LDB3: variants seen among roughly 807,000 people sequenced by gnomAD.
LDB3 encodes the protein LIM domain binding 3.
In LDB3, 49 loss-of-function variants were observed where a neutral mutation model predicts 69.0. The observed-to-expected ratio is 0.71, with a 90% CI of 0.56 to 0.90. The LOEUF is 0.90. LDB3 is among the 40% of genes least tolerant of loss of function. The pLI is 0.00. For synonymous variants in LDB3, 387 were observed against 396.2 expected (o/e 0.98, Z 0.28); for missense variants, 928 against 974.1 (o/e 0.95, Z 0.63).
chr10:86,719,738 C>G (rs981394536), intron 12 of LDB3, among the ~76,000 whole-genome samples: 2 of 152,162 alleles, frequency 1.3e-5, no homozygotes, highest in East Asian at 3.8e-4. Context: ...TGTAATCTCA[C>G]GGAGTGAATT....
At chr10:86,706,380 C>T (rs1846441706) in intron 7 of LDB3, 151 bp from the exon 8 acceptor site, 1 of 852,968 alleles carries the variant, frequency 1.2e-6, no homozygotes. Flanking sequence ...AGCTGGAAGA[C>T]ACACCCTCTG....
chr10:86,688,917 C>T (rs1472695213), intron 5 of LDB3, among the ~76,000 whole-genome samples: 3 of 152,132 alleles, frequency 2.0e-5, no homozygotes, highest in African/African-American at 7.2e-5. Context: ...TCACGAAGGA[C>T]GTTTCCCATC....
chr10:86,699,941 TG>T lies in LDB3; in HGVS notation c.897-6585del. ...GAGACCCCTCCTGGCAGTGGTGAGG[TG>T]GGGGCATGCACCCTCCTTTCTGTAC... is the stretch of plus-strand genomic sequence containing the variant. On this transcript the variant is annotated intron_variant, in intron 7 of 13. Coordinates refer to ENST00000361373, the MANE Select transcript of LDB3 (RefSeq NM_007078.3). This position sits in a 1 kb window ranked among gnomAD's most constrained non-coding sequence, Gnocchi z 4.9. The T allele has an allele frequency of 1.0e-6, 1 of 1,004,024 alleles. No individual in the cohort carries two copies. The highest frequency in any genetic ancestry group is 1.2e-6 in the Non-Finnish European group (1 of 840,252). 62.2% of individuals were successfully genotyped at this position (1,004,024 alleles called of 1,614,324 possible).
chr10:86,732,645 G>A, intron 13 of LDB3: 1 of 506,850 alleles, frequency 2.0e-6, no homozygotes. Flanking sequence ...GGGATTACAG[G>A]CACATGGCAA....
intron 7 of LDB3, among the ~76,000 whole-genome samples, chr10:86,706,019 T>C (rs1353275998): frequency 6.6e-6 from 1 of 152,122 alleles, no homozygotes; most frequent in Non-Finnish European, 1.5e-5. Flanking sequence ...GTTGGTGCCC[T>C]GAGTCCTTCC....
intron 2 of LDB3, among the ~76,000 whole-genome samples, chr10:86,675,182 G>A (rs1272609882): frequency 7.1e-6 from 1 of 140,304 alleles, no homozygotes. Flanking sequence ...TTGGGAGCAA[G>A]CATCCCCCCG....
At chr10:86,687,034 C>G in intron 5 of LDB3, 2 of 1,606,030 alleles carry the variant, frequency 1.2e-6, no homozygotes, top group Non-Finnish European at 1.7e-6. Context: ...TTTCTCCTCC[C>G]TCTCCCTGCC....
intron 5 of LDB3, among the ~76,000 whole-genome samples, chr10:86,689,615 G>C (rs1314444563): frequency 6.6e-6 from 1 of 152,158 alleles, no homozygotes; most frequent in Non-Finnish European, 1.5e-5. Context: ...GAACAGTGTA[G>C]ACCCAGACAT....
At chr10:86,666,911 T>C (rs539949142), upstream of LDB3, 101 of 465,370 alleles carry the variant, frequency 2.2e-4, no homozygotes, top group South Asian at 1.6e-3. Flanking sequence ...ACACTGGTTA[T>C]GCCCTGCTGC....
chr10:86,683,730 C>A (rs955944716), intron 5 of LDB3, among the ~76,000 whole-genome samples: 6 of 152,206 alleles, frequency 3.9e-5, no homozygotes, highest in African/African-American at 1.4e-4. Flanking sequence ...GAGCCTCTGA[C>A]CTGGGCTGGC....
chr10:86,729,710 C>A lies in LDB3; in HGVS notation c.2095-3177C>A, dbSNP rs376986610. On this transcript the variant is annotated intron_variant, in intron 13 of 13. Transcript: ENST00000361373. The stretch of plus-strand genomic sequence containing the variant: ...ACCAAGAAGACACTGGGCACAACTC[C>A]TTATGAGGGTTCCCACCCTCAGCCC... 1.3e-3 allele frequency among the ~76,000 whole-genome samples: 195 copies of A among 152,326 alleles called. 1 individual carries two copies. The highest frequency in any genetic ancestry group is 4.4e-3 in the African/African-American group (185 of 41,574).
intron 9 of LDB3, among the ~76,000 whole-genome samples, chr10:86,711,336 G>A (rs1846655202): frequency 6.6e-6 from 1 of 151,990 alleles, no homozygotes. Flanking sequence ...CCCGGGCTGG[G>A]GCCCAGGCGA....
Position 86,726,400 on chromosome 10 carries a change from G to A in LDB3, c.2094+148G>A, listed in dbSNP as rs17106978. The A allele has an allele frequency of 3.4e-3, 2,367 of 698,402 alleles. 47 individuals carry two copies. In the African/African-American group the frequency reaches 0.036, roughly 11 times the overall value. The allele number at this position is 698,402 out of a possible 1,614,324, so 43.3% of individuals were successfully genotyped here. On this transcript the variant is annotated intron_variant, in intron 13 of 13. Transcript: ENST00000361373. ...AAGCTGGCAAACACCATGATGCCTC[G>A]ATACATCACAGTCGAACAAAGTTTC... is the stretch of plus-strand genomic sequence containing the variant.
intron 7 of LDB3, among the ~76,000 whole-genome samples, chr10:86,698,924 T>C (rs909880486): frequency 6.6e-6 from 1 of 152,060 alleles, no homozygotes; most frequent in Admixed American, 6.5e-5. Flanking sequence ...TGCCCAGCCC[T>C]CACTACATGG....
intron 13 of LDB3, among the ~76,000 whole-genome samples, chr10:86,727,689 C>T (rs1177222148): frequency 6.6e-6 from 1 of 152,204 alleles, no homozygotes; most frequent in Non-Finnish European, 1.5e-5. Flanking sequence ...GAGCTACTAG[C>T]GGTTGCTAGC....
chr10:86,701,714 G>A (rs1489072541), intron 7 of LDB3, among the ~76,000 whole-genome samples: 2 of 152,214 alleles, frequency 1.3e-5, no homozygotes, highest in South Asian at 2.1e-4. Flanking sequence ...ATCAGGAATG[G>A]TTAGAATTTG....
At chr10:86,727,320 C>T (rs1397005494) in intron 13 of LDB3, among the ~76,000 whole-genome samples, 1 of 151,848 alleles carries the variant, frequency 6.6e-6, no homozygotes, top group Non-Finnish European at 1.5e-5. Context: ...CCACGCCTGG[C>T]TGATTTGGGA....
intron 5 of LDB3, among the ~76,000 whole-genome samples, chr10:86,682,445 A>G (rs1467876505): frequency 2.6e-5 from 4 of 152,066 alleles, no homozygotes; most frequent in South Asian, 4.1e-4. Context: ...CCTCACCCCT[A>G]AGGTCTAGCT....
chr10:86,720,356 A>G (rs1459631430), intron 12 of LDB3, among the ~76,000 whole-genome samples: 1 of 152,116 alleles, frequency 6.6e-6, no homozygotes, highest in Non-Finnish European at 1.5e-5. Context: ...AGGTTGAAGA[A>G]TCGCTTGAAC....
Sources: allele counts gnomAD v4.1 joint callset (sites outside exome capture counted in the v4.1 genomes callset), GRCh38; gene constraint gnomAD v4.1.1; non-coding constraint Gnocchi (gnomAD v3.1); transcripts MANE v1.5; gene names NCBI Gene and HGNC (gene_info 2026-07-23, HGNC 2026-07-21).